TENM1: variants seen among roughly 807,000 people sequenced by gnomAD.
TENM1 encodes teneurin transmembrane protein 1.
TENM1 carries 35 observed loss-of-function variants against 174.8 expected under a neutral mutation model. The ratio of observed to expected loss-of-function variants is 0.20; its 90% CI spans 0.15 to 0.27. The LOEUF (loss-of-function observed/expected upper bound fraction) is 0.27, where lower values mean the gene tolerates loss of function less well. Among genes scored for constraint, TENM1 ranks in the 10% least tolerant of loss-of-function variants. The pLI is 1.00. For synonymous variants in TENM1, 781 were observed against 798.7 expected, an observed-to-expected ratio of 0.98 and a Z score of 0.37; for missense variants, 1,633 against 2,130.1, an observed-to-expected ratio of 0.77 and a Z score of 4.59.
At chrX:124,465,541 C>T (rs2061231969) in intron 22 of TENM1, among the ~76,000 whole-genome samples, 1 of 111,874 alleles carries the variant, frequency 8.9e-6, no homozygotes, top group African/African-American at 3.3e-5. Flanking sequence ...CCTGAGCCAC[C>T]GTGCCCCATC....
intron 3 of TENM1, among the ~76,000 whole-genome samples, chrX:124,836,523 A>G (rs2056394735): frequency 8.9e-6 from 1 of 112,260 alleles, no homozygotes; most frequent in Non-Finnish European, 1.9e-5. Flanking sequence ...TCCAAGACCT[A>G]GAAAATTTAT....
chrX:124,642,042 T>C, intron 10 of TENM1, 51 bp from the exon 14 acceptor site: 1 of 889,970 alleles, frequency 1.1e-6, no homozygotes, highest in Non-Finnish European at 1.7e-6. Context: ...TGAACAGGTA[T>C]GGCCAACATA....
At chrX:124,405,097 G>A (rs749200588) in exon 27 of TENM1, 2 of 1,211,832 alleles carry the variant, frequency 1.7e-6, no homozygotes, top group Non-Finnish European at 2.2e-6. Flanking sequence ...GCCACTCGAT[G>A]AGGTTTGCAT....
chrX:124,908,539 A>G (rs1393738298), intron 1 of TENM1, among the ~76,000 whole-genome samples: 1 of 111,127 alleles, frequency 9.0e-6, no homozygotes, highest in Non-Finnish European at 1.9e-5. Context: ...TCCATGATAT[A>G]TATGTACCAC....
intron 1 of TENM1, among the ~76,000 whole-genome samples, chrX:124,903,312 TC>T (rs2057693393): frequency 9.0e-6 from 1 of 111,393 alleles, no homozygotes; most frequent in Non-Finnish European, 1.9e-5. Flanking sequence ...ACTGGAGACA[TC>T]CCAGAATGCA....
intron 15 of TENM1, among the ~76,000 whole-genome samples, chrX:124,531,607 C>G (rs1442363013): frequency 8.9e-6 from 1 of 112,419 alleles, no homozygotes; most frequent in Non-Finnish European, 1.9e-5. Flanking sequence ...ACATTCATAG[C>G]TCTGTGACAT....
chrX:124,862,244 C>G (rs1036411454), intron 3 of TENM1, among the ~76,000 whole-genome samples: 15 of 111,698 alleles, frequency 1.3e-4, no homozygotes, highest in African/African-American at 4.2e-4. Context: ...ACCCATTGCC[C>G]CGCAAAAGGC....
chrX:125,133,428 G>A, the TENM1 span, among the ~76,000 whole-genome samples: 1 of 111,235 alleles, frequency 9.0e-6, no homozygotes, highest in African/African-American at 3.3e-5. Context: ...AGTTTATTTA[G>A]AACAGTTTCC....
intron 14 of TENM1, among the ~76,000 whole-genome samples, chrX:124,560,607 C>T (rs1238102478): frequency 9.0e-6 from 1 of 110,791 alleles, no homozygotes; most frequent in African/African-American, 3.3e-5. Flanking sequence ...GGTCTTAAAA[C>T]TTTTAAAGGT....
the TENM1 span, among the ~76,000 whole-genome samples, chrX:125,023,381 T>C: frequency 2.5e-4 from 28 of 111,371 alleles, no homozygotes; most frequent in African/African-American, 9.1e-4. Context: ...TGCAGAACTG[T>C]AAGTCAATTA....
At chrX:124,640,918 G>A (rs754561214) in intron 11 of TENM1, among the ~76,000 whole-genome samples, 400 of 92,123 alleles carry the variant, frequency 4.3e-3, no homozygotes, top group Non-Finnish European at 5.1e-3. Context: ...CCGAGATTGC[G>A]CCACTGCACT....
the TENM1 span, among the ~76,000 whole-genome samples, chrX:125,041,746 C>T: frequency 2.0e-4 from 22 of 111,544 alleles, no homozygotes; most frequent in African/African-American, 5.2e-4. Flanking sequence ...AAACCATAAC[C>T]AAAATTCTGA....
intron 3 of TENM1, among the ~76,000 whole-genome samples, chrX:124,786,990 G>T (rs1300464476): frequency 9.0e-6 from 1 of 111,424 alleles, no homozygotes; most frequent in East Asian, 2.8e-4. Context: ...TTCAAAAGAG[G>T]TTAACAGTTC....
chrX:125,101,369 G>C, the TENM1 span, among the ~76,000 whole-genome samples: 2 of 111,753 alleles, frequency 1.8e-5, no homozygotes, highest in South Asian at 7.4e-4. Context: ...GAACCCTGCA[G>C]AAGACCATAA....
chrX:124,563,401 AATT>A (rs1258279635), intron 13 of TENM1, among the ~76,000 whole-genome samples: 3 of 108,163 alleles, frequency 2.8e-5, no homozygotes, highest in Non-Finnish European at 5.7e-5. Flanking sequence ...ATTATTTAAT[AATT>A]ATTAAATTAT....
the TENM1 span, among the ~76,000 whole-genome samples, chrX:125,177,384 A>C: frequency 8.9e-6 from 1 of 112,430 alleles, no homozygotes; most frequent in Admixed American, 9.4e-5. Context: ...GAATGAAAAC[A>C]GGACAATATT....
At chrX:124,761,265 T>A (rs187349526) in intron 3 of TENM1, among the ~76,000 whole-genome samples, 1 of 110,577 alleles carries the variant, frequency 9.0e-6, no homozygotes, top group East Asian at 2.9e-4. Context: ...GCGGCACTAT[T>A]CACAATAGCA....
intron 25 of TENM1, 101 bp from the exon 29 acceptor site, chrX:124,406,590 G>A (rs1201742031): frequency 6.2e-6 from 3 of 486,909 alleles, no homozygotes; most frequent in Admixed American, 3.7e-5. Flanking sequence ...TTAACTTTGA[G>A]TGATAACAAG....
intron 3 of TENM1, among the ~76,000 whole-genome samples, chrX:124,840,777 G>A (rs1298450678): frequency 1.8e-5 from 2 of 111,712 alleles, no homozygotes; most frequent in Non-Finnish European, 3.8e-5. Flanking sequence ...GCCACCTTAG[G>A]TGAAGCTCTA....
Sources: gnomAD v4.1 joint callset for allele counts (sites outside exome capture counted in the v4.1 genomes callset) on GRCh38, gnomAD v4.1.1 for gene constraint, MANE v1.5 for transcripts, NCBI Gene and HGNC (gene_info 2026-07-23, HGNC 2026-07-21) for gene names.